PRKAR1B: variants seen among roughly 807,000 people sequenced by gnomAD.
The protein encoded by PRKAR1B is cAMP-dependent protein kinase type I-beta regulatory subunit.
PRKAR1B carries 22 observed loss-of-function variants against 46.5 expected under a neutral mutation model. The ratio of observed to expected loss-of-function variants is 0.47; its 90% CI spans 0.34 to 0.68. The LOEUF (loss-of-function observed/expected upper bound fraction) is 0.68. Among genes scored for constraint, PRKAR1B ranks in the 30% least tolerant of loss-of-function variants. The pLI, the probability that PRKAR1B is intolerant of heterozygous loss-of-function variation, is 0.01. For missense variants in PRKAR1B, 445 were observed against 535.6 expected (o/e 0.83, Z 1.67); for synonymous variants, 259 against 217.7 (o/e 1.19, Z -1.67).
intron 1 of PRKAR1B, among the ~76,000 whole-genome samples, chr7:722,060 A>T (rs915669759): frequency 7.8e-5 from 9 of 115,036 alleles, no homozygotes; most frequent in Admixed American, 6.8e-4. Flanking sequence ...GAATCTGTGG[A>T]TTTATGTTTT....
chr7:727,427 C>G, upstream of PRKAR1B: 2 of 464,472 alleles, frequency 4.3e-6, no homozygotes, highest in Non-Finnish European at 6.3e-6. Context: ...CCTCCACGCC[C>G]GCACCCCCCA....
chr7:726,858 G>C (rs1423812298), intron 1 of PRKAR1B: 2 of 1,318,540 alleles, frequency 1.5e-6, no homozygotes, highest in Non-Finnish European at 1.9e-6. Context: ...AGCCGGGCCG[G>C]CGGCGCGCCT....
rs1157449242 is a variant in PRKAR1B at position 667,924 on chromosome 7, GCAC to G, written c.440+9302_440+9304del. Among the ~76,000 whole-genome samples the G allele has an allele frequency of 6.6e-6, 1 of 152,220 alleles. No homozygotes were observed. Among genetic ancestry groups the G allele is most frequent in the Non-Finnish European group, 1.5e-5 (1 of 68,034 alleles). The stretch of plus-strand genomic sequence containing the variant: ...TTGCAGCCTCCCTCACAACCACGTT[GCAC>G]TATCTTCCTTTAAATCAAAGGTCTT... On this transcript the variant is annotated intron_variant, in intron 4 of 10. Coordinates refer to ENST00000537384, the MANE Select transcript of PRKAR1B (RefSeq NM_001164760.2). This position sits in a 1 kb window ranked among gnomAD's most constrained non-coding sequence, Gnocchi z 4.3.
At chr7:634,878 G>A (rs1187832297) in intron 4 of PRKAR1B, among the ~76,000 whole-genome samples, 3 of 152,006 alleles carry the variant, frequency 2.0e-5, no homozygotes, top group South Asian at 2.1e-4. Flanking sequence ...GACCTCAAGC[G>A]ATCCGCCCAC....
chr7:620,391 A>C (rs1441808894), intron 4 of PRKAR1B, among the ~76,000 whole-genome samples: 1 of 152,176 alleles, frequency 6.6e-6, no homozygotes, highest in African/African-American at 2.4e-5. Context: ...TCCACTTCTC[A>C]GTGGCTGTTG....
rs76564583 is a variant in PRKAR1B at position 705,380 on chromosome 7, G to A, written c.177+5949C>T. Among the ~76,000 whole-genome samples the A allele has an allele frequency of 8.9e-3, 1,346 of 150,596 alleles. 14 individuals are homozygous for A. Among genetic ancestry groups the A allele is most frequent in the Middle Eastern group, 0.031 (9 of 288 alleles). ...CATATACCTATTAGAATGGCTAAAC[G>A]TTTTTTAAAACTGACAGTATCAAAG... On this transcript the variant is annotated intron_variant, in intron 2 of 10. Coordinates refer to ENST00000537384, the MANE Select transcript of PRKAR1B (RefSeq NM_001164760.2).
intron 2 of PRKAR1B, among the ~76,000 whole-genome samples, chr7:689,308 A>G (rs1779281380): frequency 6.6e-6 from 1 of 151,816 alleles, no homozygotes; most frequent in South Asian, 2.1e-4. Context: ...TTTTTAGTAG[A>G]GACGGGGCTT....
At chr7:653,901 T>C (rs906062790) in intron 4 of PRKAR1B, among the ~76,000 whole-genome samples, 1 of 151,316 alleles carries the variant, frequency 6.6e-6, no homozygotes, top group Non-Finnish European at 1.5e-5. Flanking sequence ...ATCACTACCA[T>C]CATCACCATC....
At chr7:572,587 G>A (rs1257074921) in intron 9 of PRKAR1B, among the ~76,000 whole-genome samples, 3 of 151,866 alleles carry the variant, frequency 2.0e-5, no homozygotes, top group African/African-American at 4.8e-5. Context: ...CCTGTGCGGG[G>A]CTGGGGTCCC....
intron 9 of PRKAR1B, among the ~76,000 whole-genome samples, chr7:565,816 T>C (rs1374192230): frequency 6.6e-6 from 1 of 152,152 alleles, no homozygotes; most frequent in Admixed American, 6.5e-5. Context: ...GCTAAGGACA[T>C]GCTACCTCAC....
chr7:585,829 C>T (rs1254612918), intron 7 of PRKAR1B, among the ~76,000 whole-genome samples: 2 of 152,152 alleles, frequency 1.3e-5, no homozygotes, highest in African/African-American at 2.4e-5. Flanking sequence ...CCCTAAAAGC[C>T]CCAAAGCTGC....
At chr7:633,138 C>T (rs1360742419) in intron 4 of PRKAR1B, among the ~76,000 whole-genome samples, 1 of 152,228 alleles carries the variant, frequency 6.6e-6, no homozygotes, top group Non-Finnish European at 1.5e-5. Context: ...CTGTCAAAAT[C>T]CTCCCCCAGA....
intron 9 of PRKAR1B, among the ~76,000 whole-genome samples, chr7:555,360 G>A (rs1444552637): frequency 6.6e-6 from 1 of 152,208 alleles, no homozygotes; most frequent in East Asian, 1.9e-4. Flanking sequence ...AGAGCACACT[G>A]GCCGTGCTCG....
At chr7:647,805 CAAAAAAAAA>C (rs769761277) in intron 4 of PRKAR1B, among the ~76,000 whole-genome samples, 2 of 17,882 alleles carry the variant, frequency 1.1e-4, no homozygotes, top group South Asian at 1.9e-3. Context: ...ACTTCGTCTC[CAAAAAAAAA>C]AAAAAAAAAA....
At chr7:577,867 G>A (rs9330376) in intron 9 of PRKAR1B, among the ~76,000 whole-genome samples, 62,892 of 152,104 alleles carry the variant, frequency 0.41, 13,679 homozygotes, top group African/African-American at 0.48. Context: ...GTTACAGCTC[G>A]GAGCCGCTCC....
intron 4 of PRKAR1B, among the ~76,000 whole-genome samples, chr7:654,076 T>A (rs1785054248): frequency 6.6e-6 from 1 of 150,892 alleles, no homozygotes; most frequent in Non-Finnish European, 1.5e-5. Flanking sequence ...TTCATCACCA[T>A]CACCATCTTC....
rs1784040595 is a variant in PRKAR1B, at chr7:549,445, C to A, written c.*985G>T. ...AGCAACATCAGGTGAACTGCAATGACCTCGCTTGTCTTTCGGGGGAACCCA... is the reference window on the plus strand; with the variant it reads ...AGCAACATCAGGTGAACTGCAATGAACTCGCTTGTCTTTCGGGGGAACCCA... On this transcript the variant is annotated 3_prime_UTR_variant, in exon 11 of 11. Coordinates refer to ENST00000537384, the MANE Select transcript of PRKAR1B (RefSeq NM_001164760.2). 6.6e-6 allele frequency: 1 copy of A among 152,382 alleles called. No homozygotes were observed. Among genetic ancestry groups the A allele is most frequent in the Admixed American group, 6.5e-5 (1 of 15,288 alleles). 9.4% of individuals were successfully genotyped at this position (152,382 alleles called of 1,614,324 possible).
At chr7:608,606 GTGGC>G in intron 4 of PRKAR1B, 1 of 52,652 alleles carries the variant, frequency 1.9e-5, no homozygotes, top group South Asian at 1.1e-3. Flanking sequence ...AGGTCAGTGT[GTGGC>G]AGGGCTGTAG....
chr7:680,639 G>C lies in PRKAR1B; in HGVS notation c.265C>G (p.Pro89Ala), dbSNP rs148427628. 10 of 1,613,204 alleles carry C rather than the reference G, an allele frequency of 6.2e-6. No individual in the cohort carries two copies. Among genetic ancestry groups the C allele is most frequent in the Non-Finnish European group, 8.5e-6 (10 of 1,179,838 alleles). ...DEEVSPTPPN[P>A]VVKARRRRGG... ...CGCCGGCGGCGGGCCTTCACCACAG[G>C]GTTCGGGGGGGTGGGCGACACCTCC... The change falls in exon 3 of 11, where the codon CCT (proline) becomes GCT (alanine). Residue 89 changes from proline to alanine, a missense_variant. Coordinates refer to ENST00000537384, the MANE Select transcript of PRKAR1B (RefSeq NM_001164760.2).
Sources: gnomAD v4.1 joint callset for allele counts (sites outside exome capture counted in the v4.1 genomes callset) on GRCh38, gnomAD v4.1.1 for gene constraint, Gnocchi (gnomAD v3.1) non-coding constraint, MANE v1.5 for transcripts, NCBI Gene and HGNC (gene_info 2026-07-23, HGNC 2026-07-21) for gene names.